Variants in LRRC8E observed in about 807,000 individuals in gnomAD.
The protein encoded by LRRC8E is leucine rich repeat containing 8 VRAC subunit E.
A neutral mutation model predicts 6.1 loss-of-function variants in LRRC8E; 6 were observed. That is an observed-to-expected ratio of 0.98 (90% CI 0.54 to 1.93). LRRC8E has a LOEUF of 1.93. Ranked by LOEUF, LRRC8E falls within the 30% of genes most tolerant of loss-of-function variation. The probability of loss-of-function intolerance (pLI) is 0.01; values close to 1 mark genes in which losing one functional copy is unlikely to be tolerated. For missense variants in LRRC8E, 1,028 were observed against 1,031.4 expected (o/e 1.00, Z 0.04); for synonymous variants, 485 against 472.8 (o/e 1.03, Z -0.33).
At position 7,900,555 on chromosome 19, in the gene LRRC8E, T is replaced by C; in HGVS notation, c.2033T>C (p.Leu678Pro). 6.2e-7 allele frequency: 1 copy of C among 1,613,132 alleles called. No homozygotes were observed. The highest frequency in any genetic ancestry group is 8.5e-7 in the Non-Finnish European group (1 of 1,180,020). Residue 678 changes from leucine to proline, a missense_variant, in exon 3 of 3, where the codon CTC becomes CCC. Transcript: ENST00000306708. The surrounding 1 kb of genome is among the most constrained non-coding windows in gnomAD (Gnocchi z 5.0). The stretch of plus-strand genomic sequence containing the variant: ...TCCCAGCTCGGCCTGTGCTCAGGCC[T>C]CCGTCTGCTGGATGTGTCCCACAAT... ...LPSQLGLCSG[L>P]RLLDVSHNGL...
At chr19:7,896,244 C>CT (rs935835512) in intron 2 of LRRC8E, among the ~76,000 whole-genome samples, 12 of 145,284 alleles carry the variant, frequency 8.3e-5, no homozygotes, top group East Asian at 2.1e-4. Flanking sequence ...CTGACCCTTT[C>CT]TTTTTTTTTC....
At position 7,899,564 on chromosome 19, in the gene LRRC8E, C is replaced by A. The variant is rs773852896; in HGVS notation, c.1042C>A (p.Arg348=). ...CAAGGAGTACTCCTTCCGTTCCGTG[C>A]GGGAGGAGACTGGCATGGGGGACAT... is the stretch of plus-strand genomic sequence containing the variant. ...PLKEYSFRSV[R]EETGMGDIPD... is the part of the protein sequence containing the mutation. The change falls in exon 3 of 3, where the codon CGG becomes AGG. Residue 348 remains arginine (R), a synonymous_variant. Coordinates refer to ENST00000306708, the MANE Select transcript of LRRC8E (RefSeq NM_025061.6). 12 of 1,613,784 alleles carry A rather than the reference C, an allele frequency of 7.4e-6. No individual in the cohort carries two copies. The highest frequency in any genetic ancestry group is 4.0e-5 in the African/African-American group (3 of 74,946).
rs1164432260 is a variant in LRRC8E at position 7,888,600 on chromosome 19, G to A, written c.-6G>A. On this transcript the variant is annotated splice_region_variant and 5_prime_UTR_variant, in exon 1 of 3. Transcript: ENST00000306708. ...TTGGGCCCAGCGTCCCTCCCGGAAC[G>A]GTGAGTAGGTGGCTCTTTGCCTCTG... The A allele has an allele frequency of 6.6e-6, 1 of 152,278 alleles. No individual in the cohort carries two copies. Among genetic ancestry groups the A allele is most frequent in the East Asian group, 1.9e-4 (1 of 5,176 alleles). The allele number at this position is 152,278 out of a possible 1,614,324, so 9.4% of individuals were successfully genotyped here.
chr19:7,898,901 C>G lies in LRRC8E; in HGVS notation c.379C>G (p.Leu127Val). 6.2e-7 allele frequency: 1 copy of G among 1,614,248 alleles called. No homozygotes were observed. Among genetic ancestry groups the G allele is most frequent in the East Asian group, 2.2e-5 (1 of 44,888 alleles). Reference sequence around the variant, plus strand: ...CCCTTACCTCGTGGTCATTCACACACTCATCTTCATGGTCTGCACCAGTTT... The same window carrying G: ...CCCTTACCTCGTGGTCATTCACACAGTCATCTTCATGGTCTGCACCAGTTT... Reference protein sequence around the residue: ...YFPYLVVIHTLIFMVCTSFWF... With the variant: ...YFPYLVVIHTVIFMVCTSFWF... The change falls in exon 3 of 3, where the codon CTC (leucine) becomes GTC (valine). Residue 127 changes from leucine to valine, a missense_variant. Coordinates refer to ENST00000306708, the MANE Select transcript of LRRC8E (RefSeq NM_025061.6).
At position 7,899,120 on chromosome 19, in the gene LRRC8E, G is replaced by A. The variant is rs1291678356; in HGVS notation, c.598G>A (p.Glu200Lys). ...MAGTGPGKAG[E>K]GEKEKVLAEP... ...AGGGACCGGGCCGGGGAAGGCAGGG[G>A]AGGGTGAGAAGGAGAAAGTGCTGGC... Residue 200 changes from glutamate (E) to lysine (K), a missense_variant, in exon 3 of 3, where the codon GAG (glutamate) becomes AAG (lysine). Transcript: ENST00000306708. 6.2e-7 allele frequency: 1 copy of A among 1,613,246 alleles called. No homozygotes were observed. Among genetic ancestry groups the A allele is most frequent in the Admixed American group, 1.7e-5 (1 of 60,006 alleles).
Position 7,900,117 on chromosome 19 carries a change from G to A in LRRC8E, c.1595G>A (p.Arg532Gln), listed in dbSNP as rs751319193. Residue 532 changes from arginine (R) to glutamine (Q), a missense_variant, in exon 3 of 3, where the codon CGG becomes CAG. By Grantham distance (43) the Arg-to-Gln change is conservative. Transcript: ENST00000306708. The surrounding 1 kb of genome is among the most constrained non-coding windows in gnomAD (Gnocchi z 5.0). Reference sequence around the variant, plus strand: ...CGGGCAGCCACCCTGGAGAGCCTCCGGGAGCTGAAGCAGCTCAAGGTGTTG... The same window carrying A: ...CGGGCAGCCACCCTGGAGAGCCTCCAGGAGCTGAAGCAGCTCAAGGTGTTG... ...LARAATLESLRELKQLKVLSL... is the reference protein window; with the variant it reads ...LARAATLESLQELKQLKVLSL... The A allele has an allele frequency of 5.0e-5, 81 of 1,612,626 alleles. No individual in the cohort carries two copies. Among genetic ancestry groups the A allele is most frequent in the African/African-American group, 9.3e-5 (7 of 74,932 alleles).
Position 7,899,867 on chromosome 19 carries a change from G to C in LRRC8E, c.1345G>C (p.Asp449His). 2.5e-6 allele frequency: 4 copies of C among 1,606,338 alleles called. No individual in the cohort carries two copies. The highest frequency in any genetic ancestry group is 3.4e-6 in the Non-Finnish European group (4 of 1,179,970). ...GTCACTCAGGCTGGAGGCCATCTGCGATATCACCTTCCCCCCGGGGCTGTC... is the reference window on the plus strand; with the variant it reads ...GTCACTCAGGCTGGAGGCCATCTGCCATATCACCTTCCCCCCGGGGCTGTC... ...VESLRLEAIC[D>H]ITFPPGLSQL... The change falls in exon 3 of 3, where the codon GAT becomes CAT. Residue 449 changes from aspartate to histidine, a missense_variant. Transcript: ENST00000306708.
Position 7,900,989 on chromosome 19 carries a change from T to C in LRRC8E, c.*76T>C, listed in dbSNP as rs1599613521. 1 of 1,058,000 alleles carries C rather than the reference T, an allele frequency of 9.5e-7. No homozygotes were observed. The highest frequency in any genetic ancestry group is 1.3e-6 in the Non-Finnish European group (1 of 788,916). 65.5% of individuals were successfully genotyped at this position (1,058,000 alleles called of 1,614,324 possible). On this transcript the variant is annotated 3_prime_UTR_variant, in exon 3 of 3. Transcript: ENST00000306708. This position sits in a 1 kb window ranked among gnomAD's most constrained non-coding sequence, Gnocchi z 5.0. ...GAATCTCAACCATTGTCTTCCAAGA[T>C]AGGAAGCCAAGTGGGTCCAGGCCAG... is the stretch of plus-strand genomic sequence containing the variant.
chr19:7,898,078 T>C (rs1045688931), intron 2 of LRRC8E, among the ~76,000 whole-genome samples: 1 of 151,882 alleles, frequency 6.6e-6, no homozygotes, highest in Non-Finnish European at 1.5e-5. Context: ...GGCGTGGTAG[T>C]GCGTGCTTGT....
rs556435515 is a variant in LRRC8E, at chr19:7,898,453, G to A, written c.139-208G>A. On this transcript the variant is annotated intron_variant, in intron 2 of 2. Transcript: ENST00000306708. Reference sequence around the variant, plus strand: ...CGGCTCACTGCAACCTCCATCTTCCGGGTTCAAGCGATTCTCCTGCCTCAG... The same window carrying A: ...CGGCTCACTGCAACCTCCATCTTCCAGGTTCAAGCGATTCTCCTGCCTCAG... Among the ~76,000 whole-genome samples, 13 of 152,126 alleles carry A rather than the reference G, an allele frequency of 8.5e-5. No individual in the cohort carries two copies. In the South Asian group the frequency reaches 1.9e-3, roughly 22 times the overall value.
chr19:7,898,337 A>G (rs1420405218), intron 2 of LRRC8E, among the ~76,000 whole-genome samples: 2 of 148,128 alleles, frequency 1.4e-5, no homozygotes, highest in Non-Finnish European at 3.0e-5. Flanking sequence ...CTTTTTCCCC[A>G]TCCCCCTCAT....
Position 7,899,496 on chromosome 19 carries a change from T to C in LRRC8E, c.974T>C (p.Leu325Pro). 1 of 1,612,668 alleles carries C rather than the reference T, an allele frequency of 6.2e-7. No homozygotes were observed. Reference protein sequence around the residue: ...CYISFVCIYGLTCIYTLYWLF... With the variant: ...CYISFVCIYGPTCIYTLYWLF... ...ATCTCCTTTGTGTGCATCTACGGAC[T>C]TACCTGCATCTACACGCTCTACTGG... Residue 325 changes from leucine (L) to proline (P), a missense_variant, in exon 3 of 3, where the codon CTT (leucine) becomes CCT (proline). Transcript: ENST00000306708.
rs142028593 is a variant in LRRC8E at position 7,899,167 on chromosome 19, C to T, written c.645C>T (p.Thr215=). 513 of 1,613,922 alleles carry T rather than the reference C, an allele frequency of 3.2e-4. No individual in the cohort carries two copies. Among genetic ancestry groups the T allele is most frequent in the Non-Finnish European group, 4.1e-4 (479 of 1,179,902 alleles). ...TGGCGGAACCGGAGAAGGTGGTGAC[C>T]GAGCCTCCAGTTGTCACCCTGTTGG... is the stretch of plus-strand genomic sequence containing the variant. ...KVLAEPEKVV[T]EPPVVTLLDK... The change falls in exon 3 of 3, where the codon ACC becomes ACT. Residue 215 remains threonine (T), a synonymous_variant. Coordinates refer to ENST00000306708, the MANE Select transcript of LRRC8E (RefSeq NM_025061.6).
chr19:7,900,293 G>T lies in LRRC8E; in HGVS notation c.1771G>T (p.Ala591Ser). 6.2e-7 allele frequency: 1 copy of T among 1,613,398 alleles called. No homozygotes were observed. Among genetic ancestry groups the T allele is most frequent in the South Asian group, 1.1e-5 (1 of 91,078 alleles). The change falls in exon 3 of 3, where the codon GCC (alanine) becomes TCC (serine). Residue 591 changes from alanine to serine, a missense_variant. By Grantham distance (99) the Ala-to-Ser change is moderately conservative. Transcript: ENST00000306708. This position sits in a 1 kb window ranked among gnomAD's most constrained non-coding sequence, Gnocchi z 5.0. ...GGCATTGCGGGAGCTGGAGCTGGTG[G>T]CCTGCGGGCTGGAGCGCATCCCCCA... ...LAALRELELVACGLERIPHAV... is the reference protein window; with the variant it reads ...LAALRELELVSCGLERIPHAV...
chr19:7,901,138 A>C lies in LRRC8E; in HGVS notation c.*225A>C. 2 of 436,104 alleles carry C rather than the reference A, an allele frequency of 4.6e-6. No homozygotes were observed. The highest frequency in any genetic ancestry group is 8.1e-6 in the Non-Finnish European group (2 of 246,742). 27.0% of individuals were successfully genotyped at this position (436,104 alleles called of 1,614,324 possible). ...GGTGGAACCTGGTATGGAGGGATTA[A>C]CTCAGTCATGGCATTCTCCGACCAA... On this transcript the variant is annotated 3_prime_UTR_variant, in exon 3 of 3. Transcript: ENST00000306708.
At position 7,889,675 on chromosome 19, in the gene LRRC8E, C is replaced by T. The variant is rs933630698; in HGVS notation, c.-6+1075C>T. On this transcript the variant is annotated intron_variant, in intron 1 of 2. Coordinates refer to ENST00000306708, the MANE Select transcript of LRRC8E (RefSeq NM_025061.6). ...GGAGGATCACTTGAGCCCAGGAGTT[C>T]GAGACTACTATGAGCTATGATCGTG... Among the ~76,000 whole-genome samples the T allele has an allele frequency of 6.0e-5, 9 of 148,798 alleles. No individual in the cohort carries two copies. The East Asian group carries it at 1.7e-3, about 28-fold the overall frequency.
chr19:7,899,300 G>T lies in LRRC8E; in HGVS notation c.778G>T (p.Val260Leu). ...ILYTMYIRQT[V>L]LKVCKFLAIL... is the part of the protein sequence containing the mutation. The stretch of plus-strand genomic sequence containing the variant: ...GTACACCATGTACATCCGACAGACG[G>T]TGCTGAAAGTGTGTAAGTTCCTGGC... The change falls in exon 3 of 3, where the codon GTG becomes TTG. Residue 260 changes from valine to leucine, a missense_variant. Val to Leu is a conservative substitution (Grantham distance 32). Transcript: ENST00000306708. 1 of 1,614,238 alleles carries T rather than the reference G, an allele frequency of 6.2e-7. No homozygotes were observed. Among genetic ancestry groups the T allele is most frequent in the South Asian group, 1.1e-5 (1 of 91,090 alleles).
intron 1 of LRRC8E, chr19:7,893,761 CTGACCTTG>C (rs1349653073): frequency 2.6e-5 from 4 of 152,136 alleles, no homozygotes; most frequent in Non-Finnish European, 4.4e-5. Context: ...TTTCGAACTC[CTGACCTTG>C]TGATCCGCCT....
intron 1 of LRRC8E, among the ~76,000 whole-genome samples, chr19:7,890,767 C>T (rs559699745): frequency 1.0e-3 from 152 of 151,556 alleles, no homozygotes; most frequent in Non-Finnish European, 1.9e-3. Flanking sequence ...CCAGCCTGGG[C>T]GACAGAGTGA....
Sources: allele counts gnomAD v4.1 joint callset (sites outside exome capture counted in the v4.1 genomes callset), GRCh38; gene constraint gnomAD v4.1.1; non-coding constraint Gnocchi (gnomAD v3.1); transcripts MANE v1.5; gene names NCBI Gene and HGNC (gene_info 2026-07-23, HGNC 2026-07-21).